The following DIO2 variants were observed in gnomAD, a reference collection of about 807,000 sequenced individuals.
DIO2 encodes type II iodothyronine deiodinase.
Under a neutral mutation model 21.4 loss-of-function variants are expected in DIO2, and 19 were observed. The ratio of observed to expected loss-of-function variants is 0.89; its 90% confidence interval spans 0.62 to 1.30. DIO2 has a LOEUF of 1.30. Ranked by LOEUF, DIO2 falls within the 50% of genes most tolerant of loss-of-function variation. The pLI is 0.00. For synonymous variants in DIO2, 122 were observed against 132.9 expected, an observed-to-expected ratio of 0.92 and a Z score of 0.57; for missense variants, 302 against 338.1, an observed-to-expected ratio of 0.89 and a Z score of 0.84.
chr14:80,209,359 T>G (rs73335219), intron 1 of DIO2, among the ~76,000 whole-genome samples: 2,712 of 152,112 alleles, frequency 0.018, 89 homozygotes, highest in African/African-American at 0.062. Context: ...AGTTTTTTTT[T>G]TTTTACTTTA....
At chr14:80,207,387 T>C (rs1424640840) in intron 1 of DIO2, among the ~76,000 whole-genome samples, 1 of 152,210 alleles carries the variant, frequency 6.6e-6, no homozygotes, top group African/African-American at 2.4e-5. Context: ...ATACAGCATA[T>C]ACTACTAACC....
rs575875057 is a variant in DIO2, at chr14:80,204,191, T to C, written c.223-903A>G. 8.8e-4 allele frequency among the ~76,000 whole-genome samples: 134 copies of C among 152,104 alleles called. 1 individual carries two copies. The highest frequency in any genetic ancestry group is 3.1e-3 in the African/African-American group (127 of 41,492). On this transcript the variant is annotated intron_variant, in intron 1 of 1. Coordinates refer to ENST00000438257, the MANE Select transcript of DIO2 (RefSeq NM_013989.5). ...AAGGTGGTTCTTACCACTCCAATCT[T>C]ACAATTTCCATTTAAAAAAAAAATA...
chr14:80,209,310 T>C (rs1346265295), intron 1 of DIO2, among the ~76,000 whole-genome samples: 2 of 152,050 alleles, frequency 1.3e-5, no homozygotes, highest in African/African-American at 4.8e-5. Context: ...ATGACATTTA[T>C]ATAAGAAATA....
chr14:80,219,887 C>G (rs948678497), intron 2 of DIO2, among the ~76,000 whole-genome samples: 1 of 152,050 alleles, frequency 6.6e-6, no homozygotes, highest in Admixed American at 6.6e-5. Flanking sequence ...TTGTATACAT[C>G]GTGTTTGTAA....
intron 1 of DIO2, among the ~76,000 whole-genome samples, chr14:80,208,852 T>G (rs1301572755): frequency 1.3e-5 from 2 of 152,224 alleles, no homozygotes; most frequent in African/African-American, 2.4e-5. Flanking sequence ...GTGTTCATAA[T>G]GTTTCCATTT....
chr14:80,200,652 T>A lies in DIO2; in HGVS notation c.*2037A>T, dbSNP rs1461583845. On this transcript the variant is annotated 3_prime_UTR_variant, in exon 2 of 2. Transcript: ENST00000438257. The stretch of plus-strand genomic sequence containing the variant: ...GAATCTGAAATAATTATTCTCAATA[T>A]GATTTTCCAGCAACTCATTAGATAA... The A allele has an allele frequency of 6.6e-6, 1 of 152,240 alleles. No individual in the cohort carries two copies. The highest frequency in any genetic ancestry group is 2.4e-5 in the African/African-American group (1 of 41,466). The allele number at this position is 152,240 out of a possible 1,614,324, so 9.4% of individuals were successfully genotyped here.
In DIO2 at chr14:80,202,852, T is replaced by C. The variant is rs769471246; in HGVS notation, c.659A>G (p.Asn220Ser). 2 of 1,613,874 alleles carry C rather than the reference T, an allele frequency of 1.2e-6. No individual in the cohort carries two copies. Among genetic ancestry groups the C allele is most frequent in the Admixed American group, 1.7e-5 (1 of 59,994 alleles). The part of the protein sequence containing the change: ...VVADRMDNNA[N>S]IAYGVAFERV... ...TTCAAAGGCTACCCCGTAAGCTATG[T>C]TGGCGTTATTGTCCATGCGGTCAGC... The change falls in exon 2 of 2, where the codon AAC (asparagine) becomes AGC (serine). Residue 220 changes from asparagine (N) to serine (S), a missense_variant. Asn to Ser is a conservative substitution (Grantham distance 46, BLOSUM62 1). Coordinates refer to ENST00000438257, the MANE Select transcript of DIO2 (RefSeq NM_013989.5).
intron 2 of DIO2, among the ~76,000 whole-genome samples, chr14:80,217,363 C>T (rs552153460): frequency 1.3e-5 from 2 of 152,274 alleles, no homozygotes; most frequent in South Asian, 2.1e-4. Context: ...TAAGTTACTA[C>T]ATAACATTAC....
intron 1 of DIO2, chr14:80,206,137 G>A (rs543495692): frequency 1.2e-6 from 1 of 805,740 alleles, no homozygotes; most frequent in South Asian, 1.7e-5. Context: ...GTCATAAATG[G>A]ATATGCTTAT....
At chr14:80,228,768 T>C (rs534317477) in intron 2 of DIO2, among the ~76,000 whole-genome samples, 6 of 152,200 alleles carry the variant, frequency 3.9e-5, no homozygotes, top group Non-Finnish European at 7.3e-5. Context: ...GGACCCACTA[T>C]ACGTTGGACC....
At chr14:80,226,898 C>T (rs1390608081) in intron 2 of DIO2, among the ~76,000 whole-genome samples, 1 of 152,192 alleles carries the variant, frequency 6.6e-6, no homozygotes, top group African/African-American at 2.4e-5. Context: ...CAGAGAGATC[C>T]ATCCACATAC....
rs984375579 is a variant in DIO2, at chr14:80,202,694, C to T, written c.817G>A (p.Gly273Ser). 2.5e-6 allele frequency: 4 copies of T among 1,610,106 alleles called. No homozygotes were observed. The highest frequency in any genetic ancestry group is 2.7e-5 in the African/African-American group (2 of 74,934). The change falls in exon 2 of 2, where the codon GGT becomes AGT. Residue 273 changes from glycine to serine, a missense_variant. Coordinates refer to ENST00000438257, the MANE Select transcript of DIO2 (RefSeq NM_013989.5). ...SKRUKKTRLAG is the reference protein window; with the variant it reads ...SKRUKKTRLAS ...GCTCTCTTATAATCATACCTTTAAC[C>T]AGCTAATCTAGTTTTCTTTCATCTC...
chr14:80,218,387 C>T (rs953215104), intron 2 of DIO2, among the ~76,000 whole-genome samples: 1 of 151,980 alleles, frequency 6.6e-6, no homozygotes, highest in African/African-American at 2.4e-5. Context: ...GGGTTCTTTG[C>T]CTAAAGAATA....
At chr14:80,228,471 G>A (rs1888622052) in intron 2 of DIO2, among the ~76,000 whole-genome samples, 1 of 152,206 alleles carries the variant, frequency 6.6e-6, no homozygotes, top group Non-Finnish European at 1.5e-5. Context: ...CCAAATGGGA[G>A]AGTTGAATGG....
chr14:80,206,016 C>T (rs939962657), intron 1 of DIO2, among the ~76,000 whole-genome samples: 1 of 152,082 alleles, frequency 6.6e-6, no homozygotes, highest in Non-Finnish European at 1.5e-5. Flanking sequence ...AATCAGCACT[C>T]AATGTTATTG....
At chr14:80,210,253 G>A (rs913323600) in intron 1 of DIO2, among the ~76,000 whole-genome samples, 5 of 152,148 alleles carry the variant, frequency 3.3e-5, no homozygotes, top group Non-Finnish European at 7.3e-5. Flanking sequence ...GCAGGTGGGG[G>A]AAAACTGACA....
chr14:80,215,576 T>C (rs1888331786), upstream of DIO2, among the ~76,000 whole-genome samples: 1 of 152,248 alleles, frequency 6.6e-6, no homozygotes, highest in Non-Finnish European at 1.5e-5. Flanking sequence ...AATTTTATTC[T>C]TTCTAATTCC....
intron 2 of DIO2, among the ~76,000 whole-genome samples, chr14:80,225,145 C>A (rs989565739): frequency 6.6e-6 from 1 of 152,160 alleles, no homozygotes; most frequent in African/African-American, 2.4e-5. Context: ...CCCACTGACT[C>A]AAATGTTAAT....
At chr14:80,209,333 T>C (rs1013598700) in intron 1 of DIO2, among the ~76,000 whole-genome samples, 4 of 151,866 alleles carry the variant, frequency 2.6e-5, no homozygotes, top group Non-Finnish European at 4.4e-5. Context: ...TGTATATAAG[T>C]AAAATTCTTC....
Sources: gnomAD v4.1 joint callset for allele counts (sites outside exome capture counted in the v4.1 genomes callset) on GRCh38, gnomAD v4.1.1 for gene constraint, MANE v1.5 for transcripts, NCBI Gene and HGNC (gene_info 2026-07-23, HGNC 2026-07-21) for gene names.